UBE2H: variants seen among roughly 807,000 people sequenced by gnomAD.
UBE2H encodes the protein ubiquitin conjugating enzyme E2 H.
UBE2H carries 3 observed loss-of-function variants against 29.0 expected under a neutral mutation model. The observed-to-expected ratio is 0.10, with a 90% CI of 0.05 to 0.27. The LOEUF (loss-of-function observed/expected upper bound fraction) is 0.27, where lower values mean the gene tolerates loss of function less well. Among genes scored for constraint, UBE2H ranks in the 10% least tolerant of loss-of-function variants. The pLI is 1.00. For synonymous variants in UBE2H, 69 were observed against 82.9 expected (o/e 0.83, Z 0.91); for missense variants, 68 against 228.2 (o/e 0.30, Z 4.52).
At chr7:129,937,257 A>G (rs1377557870) in intron 1 of UBE2H, among the ~76,000 whole-genome samples, 1 of 151,766 alleles carries the variant, frequency 6.6e-6, no homozygotes, top group Non-Finnish European at 1.5e-5. Flanking sequence ...TGAACCCAGG[A>G]GGCAGAGCTT....
At chr7:129,914,069 G>A (rs560458246) in intron 1 of UBE2H, among the ~76,000 whole-genome samples, 4 of 152,140 alleles carry the variant, frequency 2.6e-5, no homozygotes, top group Non-Finnish European at 5.9e-5. Flanking sequence ...TGTATTGACT[G>A]TACCAATGGG....
At chr7:129,900,022 C>A (rs1239162015) in intron 1 of UBE2H, among the ~76,000 whole-genome samples, 1 of 151,748 alleles carries the variant, frequency 6.6e-6, no homozygotes. Context: ...CCCAGCTACT[C>A]GAGAGGCTGA....
intron 1 of UBE2H, among the ~76,000 whole-genome samples, chr7:129,944,748 A>ACACACACACACACACACG (rs34490269): frequency 7.1e-6 from 1 of 140,040 alleles, no homozygotes; most frequent in African/African-American, 2.7e-5. Flanking sequence ...ACACACACAC[A>ACACACACACACACACACG]CACGCACGCA....
chr7:129,878,943 G>A (rs185454497), intron 3 of UBE2H, among the ~76,000 whole-genome samples: 163 of 151,242 alleles, frequency 1.1e-3, no homozygotes, highest in African/African-American at 3.6e-3. Flanking sequence ...CCTTCAATCA[G>A]ATAGATCTGT....
intron 5 of UBE2H, among the ~76,000 whole-genome samples, chr7:129,843,174 T>C (rs898447174): frequency 6.6e-6 from 1 of 151,780 alleles, no homozygotes; most frequent in African/African-American, 2.4e-5. Flanking sequence ...AATTTTTTTG[T>C]ATTTTTAGCA....
At chr7:129,898,582 T>G (rs1288727218) in intron 1 of UBE2H, among the ~76,000 whole-genome samples, 3 of 152,028 alleles carry the variant, frequency 2.0e-5, no homozygotes, top group Non-Finnish European at 4.4e-5. Context: ...CAACAGTGGA[T>G]GTATATATAG....
chr7:129,876,168 C>A (rs977495020), intron 3 of UBE2H, among the ~76,000 whole-genome samples: 1 of 152,154 alleles, frequency 6.6e-6, no homozygotes, highest in African/African-American at 2.4e-5. Flanking sequence ...ATGCCAGGTA[C>A]CCCGAGTTTT....
chr7:129,942,958 T>C (rs570499639), intron 1 of UBE2H, among the ~76,000 whole-genome samples: 31 of 152,040 alleles, frequency 2.0e-4, no homozygotes, highest in Non-Finnish European at 4.1e-4. Flanking sequence ...TTCTCCTGCC[T>C]CAGCCTCCTG....
intron 5 of UBE2H, among the ~76,000 whole-genome samples, chr7:129,852,766 C>T (rs761121476): frequency 4.2e-4 from 64 of 152,034 alleles, no homozygotes; most frequent in Non-Finnish European, 7.2e-4. Flanking sequence ...GCTCTTATTG[C>T]CCAGGCTGGA....
chr7:129,919,854 G>A (rs1055414576), intron 1 of UBE2H, among the ~76,000 whole-genome samples: 2 of 152,158 alleles, frequency 1.3e-5, no homozygotes, highest in Non-Finnish European at 2.9e-5. Context: ...AGAAAACACT[G>A]GGATACCATT....
At chr7:129,868,505 G>A (rs937878803) in intron 3 of UBE2H, among the ~76,000 whole-genome samples, 6 of 147,192 alleles carry the variant, frequency 4.1e-5, no homozygotes, top group South Asian at 2.1e-4. Context: ...GCGTGAACCC[G>A]GGAAGCGGAG....
Position 129,884,863 on chromosome 7 carries a change from G to T in UBE2H, c.54-3892C>A, listed in dbSNP as rs543285896. On this transcript the variant is annotated intron_variant, in intron 1 of 6. Transcript: ENST00000355621. ...TTCCCAGAGTGCTGGGATTATAGGCGTGAGCCACCATGCCTAGCCAGGTGA... is the reference window on the plus strand; with the variant it reads ...TTCCCAGAGTGCTGGGATTATAGGCTTGAGCCACCATGCCTAGCCAGGTGA... Among the ~76,000 whole-genome samples the T allele has an allele frequency of 5.3e-5, 8 of 152,162 alleles. No homozygotes were observed. The South Asian group carries it at 1.2e-3, about 24-fold the overall frequency.
chr7:129,943,667 GAGGC>G (rs1458386776), intron 1 of UBE2H, among the ~76,000 whole-genome samples: 3 of 152,284 alleles, frequency 2.0e-5, no homozygotes, highest in African/African-American at 7.2e-5. Flanking sequence ...TTGAGAGGCA[GAGGC>G]AGGCGGATCA....
In UBE2H at chr7:129,877,191, C is replaced by T. The variant is rs1197198567; in HGVS notation, c.205+2377G>A. 3.3e-5 allele frequency among the ~76,000 whole-genome samples: 5 copies of T among 152,214 alleles called. No individual in the cohort carries two copies. In the South Asian group the frequency reaches 1.0e-3, roughly 32 times the overall value. ...AAAGTACATAGACACTGCAAAATTCCAAGAGCCAAGCATTAAAGATGTTTG... is the reference window on the plus strand; with the variant it reads ...AAAGTACATAGACACTGCAAAATTCTAAGAGCCAAGCATTAAAGATGTTTG... On this transcript the variant is annotated intron_variant, in intron 3 of 6. Transcript: ENST00000355621.
intron 1 of UBE2H, among the ~76,000 whole-genome samples, chr7:129,932,360 T>C: frequency 6.6e-6 from 1 of 150,942 alleles, no homozygotes; most frequent in Middle Eastern, 3.4e-3. Flanking sequence ...CCTGACCTCA[T>C]GATCCACCCA....
At chr7:129,915,678 G>C (rs1436556118) in intron 1 of UBE2H, among the ~76,000 whole-genome samples, 1 of 152,196 alleles carries the variant, frequency 6.6e-6, no homozygotes, top group Admixed American at 6.5e-5. Flanking sequence ...CATCTGTTTA[G>C]AAGCAGAACT....
chr7:129,845,329 C>A (rs1805494218), intron 5 of UBE2H, among the ~76,000 whole-genome samples: 1 of 152,162 alleles, frequency 6.6e-6, no homozygotes, highest in African/African-American at 2.4e-5. Context: ...GTGATACAGA[C>A]ATCTGTGTGC....
chr7:129,934,106 G>C (rs1031166914), intron 1 of UBE2H, among the ~76,000 whole-genome samples: 10 of 152,126 alleles, frequency 6.6e-5, no homozygotes, highest in African/African-American at 2.2e-4. Flanking sequence ...CAGATCACTT[G>C]AGCTCAGGAG....
chr7:129,868,847 T>C (rs536781037), intron 3 of UBE2H, among the ~76,000 whole-genome samples: 3 of 152,008 alleles, frequency 2.0e-5, no homozygotes, highest in Non-Finnish European at 4.4e-5. Flanking sequence ...GCACCTGGCT[T>C]GGCCCCCAAG....
Sources: gnomAD v4.1 joint callset for allele counts (sites outside exome capture counted in the v4.1 genomes callset) on GRCh38, gnomAD v4.1.1 for gene constraint, MANE v1.5 for transcripts, NCBI Gene and HGNC (gene_info 2026-07-23, HGNC 2026-07-21) for gene names.